The following SMOC2 variants were observed in gnomAD, a reference collection of about 807,000 sequenced individuals.
SMOC2 encodes the protein SPARC related modular calcium binding 2.
Under a neutral mutation model 61.4 loss-of-function variants are expected in SMOC2, and 39 were observed. The ratio of observed to expected loss-of-function variants is 0.64; its 90% CI spans 0.49 to 0.83. The LOEUF is 0.83. Among genes scored for constraint, SMOC2 ranks in the 40% least tolerant of loss-of-function variants. SMOC2 has a pLI of 0.00. For synonymous variants in SMOC2, 247 were observed against 239.9 expected (o/e 1.03, Z -0.27); for missense variants, 556 against 592.9 (o/e 0.94, Z 0.65).
chr6:168,471,582 T>G lies in SMOC2; in HGVS notation c.84+30128T>G, dbSNP rs117322055. ...ACGGATATATACATGGAAGTTGAAT[T>G]GCTGGATCAAATGGTTACTTTTACT... On this transcript the variant is annotated intron_variant, in intron 1 of 12. Coordinates refer to ENST00000356284, the MANE Select transcript of SMOC2 (RefSeq NM_001166412.2). Among the ~76,000 whole-genome samples the G allele has an allele frequency of 5.3e-3, 803 of 152,338 alleles. 3 individuals are homozygous for G. Among genetic ancestry groups the G allele is most frequent in the Non-Finnish European group, 8.9e-3 (605 of 68,036 alleles).
chr6:168,457,939 G>A (rs1489741515), intron 1 of SMOC2, among the ~76,000 whole-genome samples: 1 of 152,074 alleles, frequency 6.6e-6, no homozygotes, highest in Non-Finnish European at 1.5e-5. Context: ...TGGGGAGGGG[G>A]GCAGCACAGG....
At chr6:168,558,358 C>G (rs1403349979) in intron 7 of SMOC2, among the ~76,000 whole-genome samples, 1 of 152,144 alleles carries the variant, frequency 6.6e-6, no homozygotes, top group African/African-American at 2.4e-5. Flanking sequence ...CAAGGGAACA[C>G]AGTGGCTGGA....
chr6:168,465,166 T>C (rs550153944), intron 1 of SMOC2, among the ~76,000 whole-genome samples: 1 of 152,350 alleles, frequency 6.6e-6, no homozygotes, highest in East Asian at 1.9e-4. Flanking sequence ...AACACACACA[T>C]TCCTTTCTCT....
intron 7 of SMOC2, among the ~76,000 whole-genome samples, chr6:168,595,665 T>C (rs1267062503): frequency 6.6e-6 from 1 of 152,192 alleles, no homozygotes; most frequent in African/African-American, 2.4e-5. Context: ...CAGCCAGGTT[T>C]ATCAGGTAAA....
chr6:168,600,279 T>C (rs892832789), intron 8 of SMOC2, among the ~76,000 whole-genome samples: 8 of 151,960 alleles, frequency 5.3e-5, no homozygotes, highest in Middle Eastern at 3.4e-3. Flanking sequence ...TGGTGGTGGA[T>C]GCCTGTAATC....
At chr6:168,484,371 C>T (rs1252015037) in intron 1 of SMOC2, among the ~76,000 whole-genome samples, 2 of 152,046 alleles carry the variant, frequency 1.3e-5, no homozygotes, top group Non-Finnish European at 2.9e-5. Context: ...CATGGAAATG[C>T]ACAGAAAAAC....
In SMOC2 at chr6:168,540,577, G is replaced by A. The variant is rs1324707555; in HGVS notation, c.464-3048G>A. On this transcript the variant is annotated intron_variant, in intron 4 of 12. Coordinates refer to ENST00000356284, the MANE Select transcript of SMOC2 (RefSeq NM_001166412.2). ...GGGCACGGAGCTAGGAGGGAGGGAC[G>A]TTTGTTCTGCTGCCCATGCCCTGTC... Among the ~76,000 whole-genome samples the A allele has an allele frequency of 4.1e-5, 6 of 145,318 alleles. 1 individual carries two copies. Among genetic ancestry groups the A allele is most frequent in the Non-Finnish European group, 8.8e-5 (6 of 67,998 alleles).
intron 9 of SMOC2, among the ~76,000 whole-genome samples, chr6:168,615,028 A>G (rs373645869): frequency 5.1e-5 from 3 of 58,970 alleles, no homozygotes; most frequent in Admixed American, 1.8e-4. Flanking sequence ...CAGCCAGCAC[A>G]GGGCCTCTTC....
intron 1 of SMOC2, among the ~76,000 whole-genome samples, chr6:168,473,618 C>T (rs1782016672): frequency 6.6e-6 from 1 of 152,122 alleles, no homozygotes; most frequent in Non-Finnish European, 1.5e-5. Context: ...CAGAGAAGAC[C>T]AGCGACTCTG....
intron 9 of SMOC2, among the ~76,000 whole-genome samples, chr6:168,618,325 G>A (rs1392686078): frequency 6.6e-6 from 1 of 152,216 alleles, no homozygotes. Context: ...ATTAAGAGGC[G>A]AGTCAAGGAG....
intron 2 of SMOC2, among the ~76,000 whole-genome samples, chr6:168,514,528 A>G (rs1240512313): frequency 6.6e-6 from 1 of 152,260 alleles, no homozygotes; most frequent in Non-Finnish European, 1.5e-5. Flanking sequence ...CTCACACTGG[A>G]GAAAGACTCA....
At chr6:168,656,919 C>A (rs781303984) in intron 11 of SMOC2, among the ~76,000 whole-genome samples, 3 of 152,234 alleles carry the variant, frequency 2.0e-5, no homozygotes, top group African/African-American at 4.8e-5. Context: ...GCTCTGTATG[C>A]AGGAGGCTGC....
chr6:168,509,464 T>C (rs1430977909), intron 1 of SMOC2, among the ~76,000 whole-genome samples: 1 of 152,200 alleles, frequency 6.6e-6, no homozygotes, highest in East Asian at 1.9e-4. Flanking sequence ...TCAGGAAGGA[T>C]TCCCTCCCAT....
chr6:168,458,945 G>T (rs776099443), intron 1 of SMOC2, among the ~76,000 whole-genome samples: 5 of 152,166 alleles, frequency 3.3e-5, no homozygotes, highest in Non-Finnish European at 5.9e-5. Flanking sequence ...TTTAATTTAT[G>T]GACATTAAGT....
chr6:168,625,001 G>A (rs1412789820), intron 9 of SMOC2, among the ~76,000 whole-genome samples: 1 of 152,096 alleles, frequency 6.6e-6, no homozygotes, highest in Non-Finnish European at 1.5e-5. Context: ...AGCACCATCT[G>A]GGTCAGATTG....
At chr6:168,566,240 C>T (rs1784538465) in intron 7 of SMOC2, among the ~76,000 whole-genome samples, 1 of 152,084 alleles carries the variant, frequency 6.6e-6, no homozygotes, top group African/African-American at 2.4e-5. Context: ...CTCTGCATGC[C>T]TGTGTGTGTT....
chr6:168,535,774 G>A lies in SMOC2; in HGVS notation c.464-7851G>A, dbSNP rs1194451108. 2.6e-5 allele frequency among the ~76,000 whole-genome samples: 4 copies of A among 152,222 alleles called. No individual in the cohort carries two copies. The highest frequency in any genetic ancestry group is 4.8e-5 in the African/African-American group (2 of 41,454). ...GTGAGGATGTCAGGAGAGAGGCAGC[G>A]CCGCCGGGGGAAGATGGGAGGGAGA... On this transcript the variant is annotated intron_variant, in intron 4 of 12. Transcript: ENST00000356284. This position sits in a 1 kb window ranked among gnomAD's most constrained non-coding sequence, Gnocchi z 4.6.
intron 9 of SMOC2, among the ~76,000 whole-genome samples, chr6:168,608,843 T>C (rs762548749): frequency 1.2e-4 from 19 of 152,336 alleles, no homozygotes; most frequent in Non-Finnish European, 2.5e-4. Flanking sequence ...GATCTTTTTT[T>C]CTCTAAATAT....
At chr6:168,614,856 A>G (rs1220101830) in intron 9 of SMOC2, among the ~76,000 whole-genome samples, 7 of 25,302 alleles carry the variant, frequency 2.8e-4, no homozygotes, top group East Asian at 1.9e-3. Context: ...CAGCCAGCAC[A>G]GGGCCTCTTC....
Sources: allele counts gnomAD v4.1 joint callset (sites outside exome capture counted in the v4.1 genomes callset), GRCh38; gene constraint gnomAD v4.1.1; non-coding constraint Gnocchi (gnomAD v3.1); transcripts MANE v1.5; gene names NCBI Gene and HGNC (gene_info 2026-07-23, HGNC 2026-07-21).